Variants in TMEM163 observed in about 807,000 individuals in gnomAD.
The protein encoded by TMEM163 is transmembrane protein 163.
TMEM163 carries 17 observed loss-of-function variants against 29.3 expected under a neutral mutation model. That is an observed-to-expected ratio of 0.58 (90% CI 0.40 to 0.87). The LOEUF (loss-of-function observed/expected upper bound fraction) is 0.87. TMEM163 is among the 40% of genes least tolerant of loss of function. The pLI, the probability that TMEM163 is intolerant of heterozygous loss-of-function variation, is 0.00. For missense variants in TMEM163, 303 were observed against 381.5 expected (o/e 0.79, Z 1.71); for synonymous variants, 157 against 160.6 (o/e 0.98, Z 0.17).
chr2:134,518,309 T>G (rs563856825), intron 4 of TMEM163, among the ~76,000 whole-genome samples: 1 of 152,312 alleles, frequency 6.6e-6, no homozygotes, highest in African/African-American at 2.4e-5. Context: ...GATTATCAGA[T>G]TCACAAAATG....
At chr2:134,580,171 G>A (rs902773740) in intron 2 of TMEM163, among the ~76,000 whole-genome samples, 17 of 152,230 alleles carry the variant, frequency 1.1e-4, no homozygotes, top group Admixed American at 1.0e-3. Context: ...GTATTTTCAC[G>A]GCACATTAAA....
chr2:134,700,675 G>A (rs916721091), intron 2 of TMEM163, among the ~76,000 whole-genome samples: 1 of 152,104 alleles, frequency 6.6e-6, no homozygotes, highest in South Asian at 2.1e-4. Flanking sequence ...AAGGCGGGCG[G>A]ATGACCTGAG....
intron 5 of TMEM163, among the ~76,000 whole-genome samples, chr2:134,499,015 T>A (rs683056): frequency 2.0e-5 from 3 of 152,018 alleles, no homozygotes; most frequent in Non-Finnish European, 4.4e-5. Context: ...GAGCAAAGGA[T>A]AAGCTTGCCA....
chr2:134,684,115 G>A (rs1684305980), intron 2 of TMEM163, among the ~76,000 whole-genome samples: 2 of 152,110 alleles, frequency 1.3e-5, no homozygotes, highest in African/African-American at 4.8e-5. Flanking sequence ...TACTGATGAG[G>A]AAAGCAAGAC....
intron 2 of TMEM163, among the ~76,000 whole-genome samples, chr2:134,580,669 T>A (rs1337655914): frequency 6.6e-6 from 1 of 152,168 alleles, no homozygotes; most frequent in Non-Finnish European, 1.5e-5. Context: ...CCCAGCACTT[T>A]GGGAGGCCGA....
Position 134,498,624 on chromosome 2 carries a change from G to A in TMEM163, c.555+4277C>T, listed in dbSNP as rs1363092229. ...TGGAATTATAGGCGTGAGCCACCAC[G>A]CCCAGCCAGCATGTGGGCTTTCAAG... On this transcript the variant is annotated intron_variant, in intron 5 of 7. Transcript: ENST00000281924. Among the ~76,000 whole-genome samples the A allele has an allele frequency of 3.3e-5, 5 of 152,116 alleles. 1 individual carries two copies. The highest frequency in any genetic ancestry group is 7.3e-5 in the Non-Finnish European group (5 of 68,028).
chr2:134,665,852 CT>C (rs2104862595), intron 2 of TMEM163, among the ~76,000 whole-genome samples: 1 of 152,316 alleles, frequency 6.6e-6, no homozygotes, highest in African/African-American at 2.4e-5. Context: ...AAACAAGATA[CT>C]GCATCTAAGC....
rs111339033 is a variant in TMEM163, at chr2:134,620,636, A to C, written c.323-68545T>G. Among the ~76,000 whole-genome samples, 10 of 152,322 alleles carry C rather than the reference A, an allele frequency of 6.6e-5. No individual in the cohort carries two copies. In the South Asian group the frequency reaches 1.9e-3, roughly 28 times the overall value. On this transcript the variant is annotated intron_variant, in intron 2 of 7. Coordinates refer to ENST00000281924, the MANE Select transcript of TMEM163 (RefSeq NM_030923.5). ...GTAAAGACAGAAATATGTATAAATG[A>C]AATATAGTTGAGAGTGCAGGGAGGA...
At chr2:134,599,762 G>C (rs1483862526) in intron 2 of TMEM163, among the ~76,000 whole-genome samples, 2 of 150,686 alleles carry the variant, frequency 1.3e-5, no homozygotes, top group African/African-American at 4.9e-5. Context: ...TGAACTCCTG[G>C]GCTCAAGCAA....
chr2:134,598,920 C>CAAA (rs796382637), intron 2 of TMEM163, among the ~76,000 whole-genome samples: 1 of 65,922 alleles, frequency 1.5e-5, no homozygotes, highest in East Asian at 3.7e-4. Context: ...GACTCTATCT[C>CAAA]AAAAAAAAAA....
chr2:134,638,578 T>C (rs1253945531), intron 2 of TMEM163, among the ~76,000 whole-genome samples: 1 of 152,018 alleles, frequency 6.6e-6, no homozygotes, highest in Non-Finnish European at 1.5e-5. Context: ...AGAACCTGAA[T>C]GAAGGCAGGG....
chr2:134,632,390 AAAAT>A (rs1558971167), intron 2 of TMEM163, among the ~76,000 whole-genome samples: 1 of 152,260 alleles, frequency 6.6e-6, no homozygotes, highest in Non-Finnish European at 1.5e-5. Context: ...ATAACTACAT[AAAAT>A]AAATAAATCA....
chr2:134,555,985 A>G (rs1171927884), intron 2 of TMEM163, among the ~76,000 whole-genome samples: 1 of 152,240 alleles, frequency 6.6e-6, no homozygotes, highest in Non-Finnish European at 1.5e-5. Flanking sequence ...AATTTGAGCC[A>G]ATGAGAACCT....
chr2:134,513,296 ACAT>A (rs1047951161), intron 4 of TMEM163, among the ~76,000 whole-genome samples: 1 of 152,214 alleles, frequency 6.6e-6, no homozygotes, highest in Admixed American at 6.5e-5. Context: ...TGTGTGTTAG[ACAT>A]CCAAGTGGTG....
At chr2:134,611,916 G>A (rs1323344863) in intron 2 of TMEM163, among the ~76,000 whole-genome samples, 5 of 152,342 alleles carry the variant, frequency 3.3e-5, no homozygotes, top group African/African-American at 1.2e-4. Flanking sequence ...TGATAGGCCT[G>A]TAAATGAAAC....
intron 4 of TMEM163, among the ~76,000 whole-genome samples, chr2:134,503,397 T>C (rs1431570771): frequency 6.6e-6 from 1 of 152,226 alleles, no homozygotes; most frequent in Non-Finnish European, 1.5e-5. Flanking sequence ...GCTCTACCAT[T>C]TACTTAACTT....
rs561023392 is a variant in TMEM163 at position 134,718,725 on chromosome 2, C to T, written c.202+9G>A. On this transcript the variant is annotated intron_variant, in intron 1 of 7. Coordinates refer to ENST00000281924, the MANE Select transcript of TMEM163 (RefSeq NM_030923.5). ...CGGTCGCCGGCCGGGTCGGGCAGCT[C>T]GCGCTCACCTCGGTCCTCCAGCCCG... 2.7e-3 allele frequency: 3,083 copies of T among 1,151,328 alleles called. 12 individuals are homozygous for T. Among genetic ancestry groups the T allele is most frequent in the Admixed American group, 7.5e-3 (160 of 21,436 alleles). 71.3% of individuals were successfully genotyped at this position (1,151,328 alleles called of 1,614,324 possible).
At chr2:134,625,459 A>G (rs904809962) in intron 2 of TMEM163, among the ~76,000 whole-genome samples, 10 of 152,202 alleles carry the variant, frequency 6.6e-5, no homozygotes, top group Admixed American at 5.2e-4. Context: ...TCCATCAGGG[A>G]GAGGAGCGGA....
intron 5 of TMEM163, chr2:134,469,014 C>T (rs541252874): frequency 6.6e-6 from 1 of 152,364 alleles, no homozygotes; most frequent in Admixed American, 6.5e-5. Flanking sequence ...GGCCCAAACA[C>T]ATGATCCACA....
Sources: allele counts gnomAD v4.1 joint callset (sites outside exome capture counted in the v4.1 genomes callset), GRCh38; gene constraint gnomAD v4.1.1; transcripts MANE v1.5; gene names NCBI Gene and HGNC (gene_info 2026-07-23, HGNC 2026-07-21).